ADGRL3: variants seen among roughly 807,000 people sequenced by gnomAD.
ADGRL3 encodes adhesion G protein-coupled receptor L3.
A neutral mutation model predicts 153.5 loss-of-function variants in ADGRL3; 62 were observed. That is an observed-to-expected ratio of 0.40 (90% CI 0.33 to 0.50). The LOEUF is 0.50. ADGRL3 is among the 20% of genes least tolerant of loss of function. The probability of loss-of-function intolerance (pLI) is 0.47; values close to 1 mark genes in which losing one functional copy is unlikely to be tolerated. For missense variants in ADGRL3, 1,641 were observed against 1,859.4 expected (o/e 0.88, Z 2.16); for synonymous variants, 710 against 672.5 (o/e 1.06, Z -0.86).
intron 5 of ADGRL3, among the ~76,000 whole-genome samples, chr4:61,626,639 T>C (rs2092847847): frequency 1.3e-5 from 2 of 152,072 alleles, no homozygotes; most frequent in Admixed American, 1.3e-4. Flanking sequence ...TATTATAACT[T>C]TATGAAGGAA....
chr4:61,938,412 A>C (rs1305313365), intron 15 of ADGRL3, among the ~76,000 whole-genome samples: 1 of 152,216 alleles, frequency 6.6e-6, no homozygotes. Flanking sequence ...AGATTAGATA[A>C]GAATGCTCTC....
chr4:61,802,330 C>T (rs1216637003), intron 8 of ADGRL3, among the ~76,000 whole-genome samples: 2 of 152,102 alleles, frequency 1.3e-5, no homozygotes, highest in East Asian at 3.9e-4. Context: ...TTTAATCTCT[C>T]TGGTAATTGG....
intron 3 of ADGRL3, among the ~76,000 whole-genome samples, chr4:61,504,209 G>A (rs1035322011): frequency 6.6e-6 from 1 of 152,056 alleles, no homozygotes; most frequent in African/African-American, 2.4e-5. Context: ...TGCCCAGGCT[G>A]GTCTCAAACT....
chr4:61,389,032 A>C (rs959540683), intron 2 of ADGRL3, among the ~76,000 whole-genome samples: 1 of 152,082 alleles, frequency 6.6e-6, no homozygotes, highest in Admixed American at 6.6e-5. Flanking sequence ...TCTTTATAGC[A>C]TCCTTTTAAT....
chr4:61,987,686 T>G (rs2099090605), intron 19 of ADGRL3, among the ~76,000 whole-genome samples: 1 of 152,212 alleles, frequency 6.6e-6, no homozygotes, highest in Admixed American at 6.5e-5. Flanking sequence ...CTATTTTCTT[T>G]AAATTATTAT....
At chr4:61,599,574 C>A (rs920384898) in intron 5 of ADGRL3, among the ~76,000 whole-genome samples, 5 of 152,308 alleles carry the variant, frequency 3.3e-5, no homozygotes, top group Non-Finnish European at 7.4e-5. Flanking sequence ...CTCAAGTGAT[C>A]CACCTGCCTG....
chr4:61,279,132 T>C (rs1476775123), intron 1 of ADGRL3, among the ~76,000 whole-genome samples: 1 of 152,190 alleles, frequency 6.6e-6, no homozygotes, highest in African/African-American at 2.4e-5. Context: ...CATTATGTGA[T>C]AATGGAAGTT....
intron 1 of ADGRL3, among the ~76,000 whole-genome samples, chr4:61,262,047 G>A (rs2092560471): frequency 6.6e-6 from 1 of 152,024 alleles, no homozygotes; most frequent in Non-Finnish European, 1.5e-5. Flanking sequence ...ATGTTTCAAA[G>A]GTTTATTTTT....
chr4:61,338,327 A>C (rs2095727833), intron 1 of ADGRL3, among the ~76,000 whole-genome samples: 1 of 151,882 alleles, frequency 6.6e-6, no homozygotes, highest in Non-Finnish European at 1.5e-5. Context: ...TCAAGGAAAC[A>C]TCTTTCTGTT....
chr4:61,653,151 G>GTCTC (rs58848073), intron 5 of ADGRL3, among the ~76,000 whole-genome samples: 10 of 134,200 alleles, frequency 7.5e-5, no homozygotes, highest in African/African-American at 2.9e-4. Context: ...CTCTCTCTCT[G>GTCTC]TCTCTCTCTC....
chr4:61,263,394 A>G (rs2092662046), intron 1 of ADGRL3, among the ~76,000 whole-genome samples: 1 of 151,478 alleles, frequency 6.6e-6, no homozygotes, highest in Non-Finnish European at 1.5e-5. Context: ...CTGGGGTTTA[A>G]CCCTTTCAGT....
chr4:61,605,329 T>G (rs756419084), intron 5 of ADGRL3, among the ~76,000 whole-genome samples: 4 of 152,086 alleles, frequency 2.6e-5, no homozygotes, highest in African/African-American at 9.7e-5. Context: ...TCTTAAAAAG[T>G]AAATAATATT....
chr4:62,041,246 A>G (rs1728110852), intron 24 of ADGRL3, among the ~76,000 whole-genome samples: 1 of 152,060 alleles, frequency 6.6e-6, no homozygotes, highest in Admixed American at 6.6e-5. Context: ...CTCCAAACTT[A>G]CTTCCTGGTC....
intron 4 of ADGRL3, among the ~76,000 whole-genome samples, chr4:61,564,166 C>T (rs1354187191): frequency 2.0e-5 from 3 of 152,006 alleles, no homozygotes; most frequent in Non-Finnish European, 4.4e-5. Flanking sequence ...AATATTATGG[C>T]TGTTTTGACT....
chr4:61,279,196 G>T (rs2093616799), intron 1 of ADGRL3, among the ~76,000 whole-genome samples: 1 of 152,166 alleles, frequency 6.6e-6, no homozygotes, highest in Non-Finnish European at 1.5e-5. Flanking sequence ...TGTTTGGACT[G>T]AGTTTTGAAG....
chr4:61,457,249 C>A (rs928601387), intron 2 of ADGRL3, among the ~76,000 whole-genome samples: 1 of 151,816 alleles, frequency 6.6e-6, no homozygotes. Flanking sequence ...TTCACATAGT[C>A]GTATTGTAGT....
At chr4:61,211,807 A>G (rs1429510836) in intron 1 of ADGRL3, 1 of 152,234 alleles carries the variant, frequency 6.6e-6, no homozygotes, top group Non-Finnish European at 1.5e-5. Flanking sequence ...AATATCTGAA[A>G]GATGTCCCTT....
intron 18 of ADGRL3, among the ~76,000 whole-genome samples, chr4:61,980,278 C>G (rs2099063145): frequency 6.7e-6 from 1 of 149,992 alleles, no homozygotes; most frequent in Non-Finnish European, 1.5e-5. Flanking sequence ...TTTATCCCCC[C>G]TTTCCCACTA....
intron 4 of ADGRL3, among the ~76,000 whole-genome samples, chr4:61,540,538 ACT>A (rs1279720668): frequency 5.3e-5 from 8 of 151,574 alleles, no homozygotes; most frequent in African/African-American, 1.9e-4. Flanking sequence ...ACAGAGCGAG[ACT>A]CTGTCTCAAC....
Sources: allele counts gnomAD v4.1 joint callset (sites outside exome capture counted in the v4.1 genomes callset), GRCh38; gene constraint gnomAD v4.1.1; transcripts MANE v1.5; gene names NCBI Gene and HGNC (gene_info 2026-07-23, HGNC 2026-07-21).